The following METAP2 variants were observed in gnomAD, a reference collection of about 807,000 sequenced individuals.
METAP2 encodes methionyl aminopeptidase 2.
A neutral mutation model predicts 59.4 loss-of-function variants in METAP2; 25 were observed. The ratio of observed to expected loss-of-function variants is 0.42; its 90% CI spans 0.31 to 0.59. METAP2 has a LOEUF of 0.59. METAP2 is among the 20% of genes least tolerant of loss of function. The pLI is 0.16. For missense variants in METAP2, 366 were observed against 581.2 expected (o/e 0.63, Z 3.81); for synonymous variants, 214 against 194.1 (o/e 1.10, Z -0.85).
intron 4 of METAP2, among the ~76,000 whole-genome samples, chr12:95,492,131 T>TG (rs57774089): frequency 0.12 from 13,036 of 113,038 alleles, 799 homozygotes; most frequent in African/African-American, 0.23. Flanking sequence ...TATATGTGTG[T>TG]TTGTGTGTGT....
chr12:95,513,393 AAC>A (rs144087570), intron 10 of METAP2, among the ~76,000 whole-genome samples: 5 of 151,860 alleles, frequency 3.3e-5, no homozygotes, highest in African/African-American at 4.8e-5. Context: ...TGGGGAATAT[AAC>A]ACACACACAC....
chr12:95,492,126 GTGTGTT>G (rs1041727496), intron 4 of METAP2, among the ~76,000 whole-genome samples: 1 of 97,386 alleles, frequency 1.0e-5, no homozygotes, highest in African/African-American at 4.0e-5. Flanking sequence ...GTATGTATAT[GTGTGTT>G]TGTGTGTGTG....
At chr12:95,492,162 ATG>A (rs888583710) in intron 4 of METAP2, among the ~76,000 whole-genome samples, 1 of 112,160 alleles carries the variant, frequency 8.9e-6, no homozygotes, top group Non-Finnish European at 1.8e-5. Context: ...GTGTATGTAT[ATG>A]TGTGTGTATA....
chr12:95,497,963 T>C (rs569391931), intron 7 of METAP2, among the ~76,000 whole-genome samples: 2 of 147,452 alleles, frequency 1.4e-5, no homozygotes, highest in African/African-American at 5.1e-5. Context: ...CCGTCTCTAC[T>C]AAAAATACCA....
At chr12:95,508,050 G>A (rs930534145) in intron 8 of METAP2, among the ~76,000 whole-genome samples, 1 of 151,292 alleles carries the variant, frequency 6.6e-6, no homozygotes, top group Non-Finnish European at 1.5e-5. Flanking sequence ...CCAAAGTCTG[G>A]GATTACAGGC....
intron 2 of METAP2, among the ~76,000 whole-genome samples, chr12:95,478,110 T>TC (rs1286092013): frequency 4.6e-5 from 7 of 151,800 alleles, no homozygotes; most frequent in Non-Finnish European, 1.0e-4. Context: ...TCTATACCCG[T>TC]CCACCTCCCC....
chr12:95,515,836 A>G lies in METAP2; in HGVS notation c.*1932A>G, dbSNP rs1250403783. The G allele has an allele frequency of 1.3e-5, 2 of 152,238 alleles. No homozygotes were observed. The highest frequency in any genetic ancestry group is 2.9e-5 in the Non-Finnish European group (2 of 68,038). The allele number at this position is 152,238 out of a possible 1,614,324, so 9.4% of individuals were successfully genotyped here. Reference sequence around the variant, plus strand: ...GCCTTTAGTAAATTATTTTACAACTAAAACATGTTGTTTTTTGTTAGATCA... The same window carrying G: ...GCCTTTAGTAAATTATTTTACAACTGAAACATGTTGTTTTTTGTTAGATCA... On this transcript the variant is annotated 3_prime_UTR_variant, in exon 11 of 11. Coordinates refer to ENST00000323666, the MANE Select transcript of METAP2 (RefSeq NM_006838.4).
intron 10 of METAP2, among the ~76,000 whole-genome samples, chr12:95,513,280 G>A (rs139782791): frequency 1.3e-5 from 2 of 152,190 alleles, no homozygotes; most frequent in African/African-American, 4.8e-5. Context: ...TTTAACATTT[G>A]AAGATGATTG....
At position 95,514,770 on chromosome 12, in the gene METAP2, A is replaced by G. The variant is rs201451477; in HGVS notation, c.*866A>G. On this transcript the variant is annotated 3_prime_UTR_variant, in exon 11 of 11. Transcript: ENST00000323666. The stretch of plus-strand genomic sequence containing the variant: ...TATTAAAGCCACAAAAGCAAAGAAG[A>G]AAAAAAAAAACTTCCCATGTTTGGA... 1.4e-5 allele frequency: 2 copies of G among 148,008 alleles called. No individual in the cohort carries two copies. The highest frequency in any genetic ancestry group is 4.2e-4 in the South Asian group (2 of 4,706). 9.2% of individuals were successfully genotyped at this position (148,008 alleles called of 1,614,324 possible).
rs997032070 is a variant in METAP2, at chr12:95,490,193, C to T, written c.429-3863C>T. Among the ~76,000 whole-genome samples, 7 of 148,474 alleles carry T rather than the reference C, an allele frequency of 4.7e-5. No homozygotes were observed. The East Asian group carries it at 1.4e-3, about 29-fold the overall frequency. ...CATAGCCCACTGTAGCCTGGAACTT[C>T]TGGGCTTAAGCAATCCTCCTGCATT... On this transcript the variant is annotated intron_variant, in intron 4 of 10. Transcript: ENST00000323666.
rs2076421853 is a variant in METAP2, at chr12:95,513,638, T to A, written c.1185-14T>A. The stretch of plus-strand genomic sequence containing the variant: ...TCTTTTGCCAACAGTTAATTTTGGA[T>A]TTTCTCCTCTTAGGCTTCCAAGAAC... On this transcript the variant is annotated splice_polypyrimidine_tract_variant and intron_variant, in intron 10 of 10. Transcript: ENST00000323666. 6.2e-7 allele frequency: 1 copy of A among 1,607,156 alleles called. No individual in the cohort carries two copies. The highest frequency in any genetic ancestry group is 1.1e-5 in the South Asian group (1 of 90,116).
intron 4 of METAP2, among the ~76,000 whole-genome samples, chr12:95,491,230 CCTTTT>C (rs1475713774): frequency 6.6e-6 from 1 of 152,048 alleles, no homozygotes; most frequent in African/African-American, 2.4e-5. Context: ...AAAGGAATAT[CCTTTT>C]CTTAACAACT....
intron 10 of METAP2, among the ~76,000 whole-genome samples, chr12:95,513,393 AACACAC>A (rs144087570): frequency 5.3e-5 from 8 of 151,864 alleles, no homozygotes; most frequent in South Asian, 2.1e-4. Context: ...TGGGGAATAT[AACACAC>A]ACACACGCAC....
At position 95,508,943 on chromosome 12, in the gene METAP2, A is replaced by G. The variant is rs549947604; in HGVS notation, c.965-2952A>G. 2.0e-5 allele frequency among the ~76,000 whole-genome samples: 3 copies of G among 150,610 alleles called. No homozygotes were observed. The East Asian group carries it at 5.8e-4, about 29-fold the overall frequency. On this transcript the variant is annotated intron_variant, in intron 8 of 10. Coordinates refer to ENST00000323666, the MANE Select transcript of METAP2 (RefSeq NM_006838.4). ...ATAGTTTAAGCAGAGAGGATGTGGAAAAATCATGATAATAGGGAGATGAAG... is the reference window on the plus strand; with the variant it reads ...ATAGTTTAAGCAGAGAGGATGTGGAGAAATCATGATAATAGGGAGATGAAG...
chr12:95,483,475 CAAAA>C (rs141083015), intron 3 of METAP2, 195 bp downstream of exon 3: 129 of 66,484 alleles, frequency 1.9e-3, no homozygotes, highest in South Asian at 5.5e-3. Flanking sequence ...GACTCTGTCT[CAAAA>C]AAAAAAAAAA....
At chr12:95,502,927 G>T (rs2076327298) in intron 7 of METAP2, among the ~76,000 whole-genome samples, 1 of 142,472 alleles carries the variant, frequency 7.0e-6, no homozygotes, top group Non-Finnish European at 1.5e-5. Context: ...TTTCTTTTTT[G>T]ATATTTTCAT....
intron 8 of METAP2, among the ~76,000 whole-genome samples, chr12:95,508,114 T>G (rs2140164606): frequency 6.6e-6 from 1 of 152,218 alleles, no homozygotes; most frequent in Non-Finnish European, 1.5e-5. Context: ...TTTTACTTAC[T>G]GTTATGTGAA....
intron 8 of METAP2, among the ~76,000 whole-genome samples, chr12:95,505,278 C>G (rs1486825125): frequency 6.6e-6 from 1 of 152,176 alleles, no homozygotes; most frequent in Non-Finnish European, 1.5e-5. Flanking sequence ...TAGACAGTTA[C>G]CACCAACGTA....
rs200639235 is a variant in METAP2 at position 95,496,695 on chromosome 12, CCT to C, written c.867+602_867+603del. 9.1e-3 allele frequency among the ~76,000 whole-genome samples: 1,387 copies of C among 151,816 alleles called. 28 individuals carry two copies. Among genetic ancestry groups the C allele is most frequent in the African/African-American group, 0.032 (1,328 of 41,390 alleles). ...ATCTTCTGTGCTCAACTGATTCATC[CCT>C]CTCTGTCCACCAAACTCTGGTACAG... is the stretch of plus-strand genomic sequence containing the variant. On this transcript the variant is annotated intron_variant, in intron 7 of 10. Transcript: ENST00000323666.
Sources: allele counts gnomAD v4.1 joint callset (sites outside exome capture counted in the v4.1 genomes callset), GRCh38; gene constraint gnomAD v4.1.1; transcripts MANE v1.5; gene names NCBI Gene and HGNC (gene_info 2026-07-23, HGNC 2026-07-21).